SYT7: variants seen among roughly 807,000 people sequenced by gnomAD.
The protein encoded by SYT7 is synaptotagmin-7.
SYT7 carries 29 observed loss-of-function variants against 75.1 expected under a neutral mutation model. The ratio of observed to expected loss-of-function variants is 0.39; its 90% CI spans 0.29 to 0.53. SYT7 has a LOEUF of 0.53. SYT7 is among the 20% of genes least tolerant of loss of function. The pLI is 0.77. For synonymous variants in SYT7, 376 were observed against 401.7 expected (o/e 0.94, Z 0.76); for missense variants, 693 against 953.2 (o/e 0.73, Z 3.59).
intron 1 of SYT7, 135 bp from the exon 2 acceptor site, chr11:61,556,342 C>T (rs1351682604): frequency 6.1e-6 from 4 of 652,066 alleles, no homozygotes; most frequent in Non-Finnish European, 7.9e-6. Flanking sequence ...AGGTTCTACT[C>T]CCAGTTCTGC....
rs1006248748 is a variant in SYT7, at chr11:61,552,472, G to GCA, written c.136-1011_136-1010dup. Among the ~76,000 whole-genome samples the GCA allele has an allele frequency of 3.2e-4, 44 of 137,504 alleles. No homozygotes were observed. In the East Asian group the frequency reaches 5.9e-3, roughly 18 times the overall value. 90.2% of individuals were successfully genotyped at this position (137,504 alleles called of 152,430 possible). A position where few individuals can be genotyped will look rare whatever the true frequency, so the allele number is the denominator to read the frequency against. ...CGGCTGCACACACACACACACACAT[G>GCA]CACACACACACACATGCACACACAC... On this transcript the variant is annotated intron_variant, in intron 2 of 12. Coordinates refer to ENST00000539008, the MANE Select transcript of SYT7 (RefSeq NM_001365809.2).
intron 7 of SYT7, among the ~76,000 whole-genome samples, chr11:61,536,559 G>T (rs1179095611): frequency 2.0e-5 from 3 of 152,204 alleles, no homozygotes; most frequent in Admixed American, 1.3e-4. Context: ...AGCTCCTGTA[G>T]TGCCCAGGTG....
Position 61,516,000 on chromosome 11 carries a change from C to G in SYT7, c.*2627G>C, listed in dbSNP as rs1367367179. ...GGTGATGGTGGCCTCACAACCTCCC[C>G]TATGAGGTAGGTGAAGTATTATTAC... is the stretch of plus-strand genomic sequence containing the variant. On this transcript the variant is annotated 3_prime_UTR_variant, in exon 13 of 13. Transcript: ENST00000539008. 1 of 152,638 alleles carries G rather than the reference C, an allele frequency of 6.6e-6. No homozygotes were observed. The highest frequency in any genetic ancestry group is 1.5e-5 in the Non-Finnish European group (1 of 68,058). 9.5% of individuals were successfully genotyped at this position (152,638 alleles called of 1,614,324 possible).
At chr11:61,555,962 T>G in intron 2 of SYT7, 142 bp downstream of exon 2, 1 of 691,702 alleles carries the variant, frequency 1.4e-6, no homozygotes, top group Admixed American at 2.8e-5. Context: ...TCTATGGAAG[T>G]GCCCCTGACT....
Position 61,524,523 on chromosome 11 carries a change from T to G in SYT7, c.1481A>C (p.Tyr494Ser). ...NETFLFEGFP[Y>S]EKVVQRILYL... ...GAGGATCCTCTGCACCACCTTCTCATAGGGAAAACCTGGGGGTATAGATGA... is the reference window on the plus strand; with the variant it reads ...GAGGATCCTCTGCACCACCTTCTCAGAGGGAAAACCTGGGGGTATAGATGA... Residue 494 changes from tyrosine to serine, a missense_variant, in exon 10 of 13, where the codon TAT becomes TCT. Physicochemically the swap from Tyr to Ser is moderately radical, Grantham distance 144. Transcript: ENST00000539008. The surrounding 1 kb of genome is among the most constrained non-coding windows in gnomAD (Gnocchi z 4.1). The G allele has an allele frequency of 1.9e-6, 3 of 1,590,938 alleles. No homozygotes were observed. The highest frequency in any genetic ancestry group is 2.6e-6 in the Non-Finnish European group (3 of 1,167,844).
At chr11:61,544,363 AAG>A (rs1239748078) in intron 5 of SYT7, among the ~76,000 whole-genome samples, 4 of 152,194 alleles carry the variant, frequency 2.6e-5, no homozygotes, top group African/African-American at 4.8e-5. Flanking sequence ...GAGAAAGAAA[AAG>A]AGAGAGTGAA....
At chr11:61,579,657 G>A (rs886543448) in intron 1 of SYT7, among the ~76,000 whole-genome samples, 1 of 152,234 alleles carries the variant, frequency 6.6e-6, no homozygotes, top group Non-Finnish European at 1.5e-5. Context: ...CTGCCTTCAG[G>A]AGCCTCAGGG....
chr11:61,538,248 C>T lies in SYT7; in HGVS notation c.960G>A (p.Val320=). ...MKSFLEGRMV[V]LSLVLGLSEQ... Reference sequence around the variant, plus strand: ...CCGAAAGCCCTAAGACCAAGGATAGCACCACCATCCGGCCTTCCCTGCCCG... The same window carrying T: ...CCGAAAGCCCTAAGACCAAGGATAGTACCACCATCCGGCCTTCCCTGCCCG... Residue 320 remains valine (V), a synonymous_variant, in exon 7 of 13, where the codon GTG becomes GTA. Transcript: ENST00000539008. 1 of 1,535,740 alleles carries T rather than the reference C, an allele frequency of 6.5e-7. No individual in the cohort carries two copies. Among genetic ancestry groups the T allele is most frequent in the South Asian group, 1.2e-5 (1 of 84,054 alleles).
chr11:61,556,073 C>CCA, intron 2 of SYT7, 31 bp downstream of exon 2: 2 of 1,589,824 alleles, frequency 1.3e-6, no homozygotes, highest in Non-Finnish European at 1.7e-6. Context: ...GGGCTAGGCA[C>CCA]CACCCTCCAA....
chr11:61,587,145 A>C, the SYT7 span, among the ~76,000 whole-genome samples: 1 of 152,088 alleles, frequency 6.6e-6, no homozygotes, highest in Admixed American at 6.6e-5. Flanking sequence ...CCGGGGACTC[A>C]GGCCAGTCAG....
intron 8 of SYT7, 52 bp from the exon 9 acceptor site, chr11:61,528,237 A>G (rs374270133): frequency 2.7e-4 from 424 of 1,587,972 alleles, no homozygotes; most frequent in Non-Finnish European, 3.5e-4. Flanking sequence ...TGCTTCCCCC[A>G]TGTCCCCACC....
chr11:61,535,164 C>T (rs1343835150), intron 7 of SYT7, among the ~76,000 whole-genome samples: 1 of 152,076 alleles, frequency 6.6e-6, no homozygotes, highest in Admixed American at 6.5e-5. Context: ...CCCAGGGCAG[C>T]CCTGTGAGGA....
In SYT7 at chr11:61,551,527, A is replaced by G; in HGVS notation, c.136-64T>C. The G allele has an allele frequency of 6.6e-7, 1 of 1,526,652 alleles. No homozygotes were observed. The highest frequency in any genetic ancestry group is 1.1e-5 in the South Asian group (1 of 89,022). 94.6% of individuals were successfully genotyped at this position (1,526,652 alleles called of 1,614,324 possible). A position where few individuals can be genotyped will look rare whatever the true frequency, so the allele number is the denominator to read the frequency against. ...ACTGTACCCTCCCTACCTCCCCAGAACAGGGACCCGGAGGGGAAGGAGATA... is the reference window on the plus strand; with the variant it reads ...ACTGTACCCTCCCTACCTCCCCAGAGCAGGGACCCGGAGGGGAAGGAGATA... On this transcript the variant is annotated intron_variant, in intron 2 of 12. Coordinates refer to ENST00000539008, the MANE Select transcript of SYT7 (RefSeq NM_001365809.2). The surrounding 1 kb of genome is among the most constrained non-coding windows in gnomAD (Gnocchi z 5.3).
At chr11:61,565,471 G>A (rs530103716) in intron 1 of SYT7, among the ~76,000 whole-genome samples, 28 of 152,328 alleles carry the variant, frequency 1.8e-4, no homozygotes, top group Non-Finnish European at 3.4e-4. Context: ...CAAAGCTCCA[G>A]GTCTTGCCAT....
At chr11:61,565,399 C>G (rs977839658) in intron 1 of SYT7, among the ~76,000 whole-genome samples, 1 of 152,162 alleles carries the variant, frequency 6.6e-6, no homozygotes, top group Non-Finnish European at 1.5e-5. Flanking sequence ...CAGAAAGAGG[C>G]AGAGTTGGGG....
intron 2 of SYT7, among the ~76,000 whole-genome samples, chr11:61,552,319 G>A (rs751770002): frequency 1.3e-5 from 2 of 152,028 alleles, no homozygotes; most frequent in South Asian, 2.1e-4. Context: ...GTCCTCACAC[G>A]CACCCATGGG....
chr11:61,527,202 G>A (rs1411829097), intron 9 of SYT7, among the ~76,000 whole-genome samples: 4 of 152,192 alleles, frequency 2.6e-5, no homozygotes, highest in Non-Finnish European at 4.4e-5. Context: ...TGTGGTTCCC[G>A]TCCCATGCGG....
In SYT7 at chr11:61,565,102, C is replaced by T. The variant is rs143381988; in HGVS notation, c.32-8895G>A. 1.7e-4 allele frequency among the ~76,000 whole-genome samples: 26 copies of T among 152,282 alleles called. No homozygotes were observed. In the East Asian group the frequency reaches 4.8e-3, roughly 28 times the overall value. On this transcript the variant is annotated intron_variant, in intron 1 of 12. Coordinates refer to ENST00000539008, the MANE Select transcript of SYT7 (RefSeq NM_001365809.2). The stretch of plus-strand genomic sequence containing the variant: ...GTCCCCATCCTGAGCTTGCCTCCTC[C>T]CACCTGATTCTGCAATACACGTCAA...
At chr11:61,586,485 C>A in the SYT7 span, among the ~76,000 whole-genome samples, 1 of 152,226 alleles carries the variant, frequency 6.6e-6, no homozygotes, top group Non-Finnish European at 1.5e-5. Flanking sequence ...GCCCCTCAGT[C>A]CTTCTGAGCC....
Sources: allele counts gnomAD v4.1 joint callset (sites outside exome capture counted in the v4.1 genomes callset), GRCh38; gene constraint gnomAD v4.1.1; non-coding constraint Gnocchi (gnomAD v3.1); transcripts MANE v1.5; gene names NCBI Gene and HGNC (gene_info 2026-07-23, HGNC 2026-07-21).